PDS5A: variants seen among roughly 807,000 people sequenced by gnomAD.
PDS5A encodes sister chromatid cohesion protein PDS5 homolog A.
PDS5A carries 42 observed loss-of-function variants against 167.1 expected under a neutral mutation model. The ratio of observed to expected loss-of-function variants is 0.25; its 90% CI spans 0.20 to 0.33. PDS5A has a LOEUF of 0.33. Among genes scored for constraint, PDS5A ranks in the 10% least tolerant of loss-of-function variants. The pLI is 1.00. For synonymous variants in PDS5A, 553 were observed against 554.6 expected (o/e 1.00, Z 0.04); for missense variants, 1,033 against 1,605.9 (o/e 0.64, Z 6.10).
intron 2 of PDS5A, among the ~76,000 whole-genome samples, chr4:39,931,253 T>C (rs1367513017): frequency 1.3e-5 from 2 of 151,836 alleles, no homozygotes; most frequent in Admixed American, 6.6e-5. Context: ...CACACCTGGC[T>C]AGGTTTTGTA....
In PDS5A at chr4:39,877,183, C is replaced by T. The variant is rs540603295; in HGVS notation, c.1993-30G>A. On this transcript the variant is annotated intron_variant, in intron 18 of 32. Transcript: ENST00000303538. ...AAAAACAGATACAGCTTTAGAAGTACAGACAATGGTTTTAATCCATTAAAA... is the reference window on the plus strand; with the variant it reads ...AAAAACAGATACAGCTTTAGAAGTATAGACAATGGTTTTAATCCATTAAAA... 3.3e-4 allele frequency: 468 copies of T among 1,403,404 alleles called. 6 individuals are homozygous for T. In the South Asian group the frequency reaches 6.6e-3, roughly 20 times the overall value. The allele number at this position is 1,403,404 out of a possible 1,614,324, so 86.9% of individuals were successfully genotyped here. A position where few individuals can be genotyped will look rare whatever the true frequency, so the allele number is the denominator to read the frequency against.
chr4:39,944,448 C>T (rs1032313162), intron 2 of PDS5A, among the ~76,000 whole-genome samples: 1 of 152,056 alleles, frequency 6.6e-6, no homozygotes, highest in African/African-American at 2.4e-5. Flanking sequence ...AATCCCAGCA[C>T]TCCGGGAGGC....
At chr4:39,852,224 T>C (rs965170668) in intron 26 of PDS5A, among the ~76,000 whole-genome samples, 3 of 152,114 alleles carry the variant, frequency 2.0e-5, no homozygotes, top group Non-Finnish European at 4.4e-5. Flanking sequence ...TAAAACAGGA[T>C]ACAAAACAAT....
intron 9 of PDS5A, 128 bp from the exon 10 acceptor site, chr4:39,910,466 G>A: frequency 5.2e-6 from 3 of 580,988 alleles, no homozygotes; most frequent in East Asian, 2.8e-5. Flanking sequence ...TATGAGCTAA[G>A]GTATTCTGAA....
intron 7 of PDS5A, among the ~76,000 whole-genome samples, 172 bp from the exon 8 acceptor site, chr4:39,917,360 C>A (rs574010608): frequency 2.6e-5 from 4 of 152,070 alleles, no homozygotes; most frequent in African/African-American, 9.6e-5. Context: ...GTCATCTAAA[C>A]AGCAGAAGAA....
At chr4:39,907,829 G>A (rs1202362863) in intron 11 of PDS5A, among the ~76,000 whole-genome samples, 3 of 151,882 alleles carry the variant, frequency 2.0e-5, no homozygotes, top group East Asian at 1.9e-4. Flanking sequence ...CTCGTGATCC[G>A]CCCGCCTCGG....
chr4:39,954,740 A>G (rs1728768112), intron 2 of PDS5A, among the ~76,000 whole-genome samples: 1 of 151,380 alleles, frequency 6.6e-6, no homozygotes, highest in Non-Finnish European at 1.5e-5. Context: ...TCAGACAGAG[A>G]CGTTAAAATA....
intron 10 of PDS5A, among the ~76,000 whole-genome samples, chr4:39,909,416 T>A (rs903965966): frequency 6.6e-6 from 1 of 152,182 alleles, no homozygotes; most frequent in Non-Finnish European, 1.5e-5. Context: ...TGAGCCACCA[T>A]GCCCATAGTT....
chr4:39,973,036 T>G (rs1431677815), intron 2 of PDS5A: 1 of 360,542 alleles, frequency 2.8e-6, no homozygotes, highest in African/African-American at 2.1e-5. Context: ...ATTTTATATT[T>G]TGCAATTTTT....
intron 4 of PDS5A, among the ~76,000 whole-genome samples, chr4:39,926,285 G>T (rs1725457064): frequency 6.6e-6 from 1 of 152,082 alleles, no homozygotes; most frequent in African/African-American, 2.4e-5. Flanking sequence ...ACTTTGGGAG[G>T]CCAAGGTGGG....
At position 39,904,103 on chromosome 4, in the gene PDS5A, T is replaced by G. The variant is rs1363407093; in HGVS notation, c.1322A>C (p.Glu441Ala). Residue 441 changes from glutamate (E) to alanine (A), a missense_variant, in exon 12 of 33, where the codon GAG (glutamate) becomes GCG (alanine). Glu to Ala is a moderately radical substitution (Grantham distance 107, BLOSUM62 -1). Around this residue, in one of 4 missense-constraint regions of PDS5A, gnomAD observed 388 missense variants for 615.1 expected, o/e 0.63. Transcript: ENST00000303538. ...LHGEAGKEAAEKVSWIKDKLL... is the reference protein window; with the variant it reads ...LHGEAGKEAAAKVSWIKDKLL... Reference sequence around the variant, plus strand: ...TTTGTCCTTTATCCAGCTGACTTTCTCTGCAGCTTCCTTTCCTGCTTCACC... The same window carrying G: ...TTTGTCCTTTATCCAGCTGACTTTCGCTGCAGCTTCCTTTCCTGCTTCACC... 1 of 1,612,066 alleles carries G rather than the reference T, an allele frequency of 6.2e-7. No individual in the cohort carries two copies. The highest frequency in any genetic ancestry group is 8.5e-7 in the Non-Finnish European group (1 of 1,178,596).
intron 5 of PDS5A, 116 bp downstream of exon 5, chr4:39,925,719 CT>C (rs1324587186): frequency 5.3e-6 from 2 of 378,634 alleles, no homozygotes; most frequent in Non-Finnish European, 9.7e-6. Context: ...GTTAAGTTTT[CT>C]AAGGAAAACA....
chr4:39,849,692 T>C (rs150988483), intron 26 of PDS5A, 40 bp from the exon 27 acceptor site: 11 of 1,465,178 alleles, frequency 7.5e-6, no homozygotes, highest in Admixed American at 1.9e-5. Context: ...CGTAGATAGA[T>C]GCTTTAGCTT....
chr4:39,875,497 G>A (rs1042282577), intron 19 of PDS5A, among the ~76,000 whole-genome samples: 2 of 152,098 alleles, frequency 1.3e-5, no homozygotes, highest in African/African-American at 4.8e-5. Flanking sequence ...AAAGTTAGTG[G>A]CATCAAATGC....
chr4:39,930,247 G>GATTTTTTTTT (rs1725914090), intron 2 of PDS5A, among the ~76,000 whole-genome samples: 1 of 61,952 alleles, frequency 1.6e-5, no homozygotes, highest in Non-Finnish European at 3.2e-5. Context: ...AAAAAAAAAA[G>GATTTTTTTTT]TTTTTTTGTT....
At position 39,955,976 on chromosome 4, in the gene PDS5A, A is replaced by G. The variant is rs1202906332; in HGVS notation, c.138+20464T>C. On this transcript the variant is annotated intron_variant, in intron 2 of 32. Coordinates refer to ENST00000303538, the MANE Select transcript of PDS5A (RefSeq NM_001100399.2). ...CTAAAAATACAAAAATTAGCCAGAC[A>G]TGGTGGTGGCACACACCTGTAGTCC... 2.0e-5 allele frequency among the ~76,000 whole-genome samples: 3 copies of G among 151,748 alleles called. No individual in the cohort carries two copies. The East Asian group carries it at 5.9e-4, about 30-fold the overall frequency.
chr4:39,934,517 C>T (rs1401851752), intron 2 of PDS5A, among the ~76,000 whole-genome samples: 2 of 151,836 alleles, frequency 1.3e-5, no homozygotes, highest in Non-Finnish European at 2.9e-5. Flanking sequence ...GAGAATTAAA[C>T]AATTTCTTGG....
chr4:39,836,213 GT>G (rs1208824594), intron 32 of PDS5A, among the ~76,000 whole-genome samples: 1 of 152,126 alleles, frequency 6.6e-6, no homozygotes, highest in Non-Finnish European at 1.5e-5. Flanking sequence ...AAAGGTCCAG[GT>G]TTGAGAAGAA....
At chr4:39,868,452 C>T (rs574793119) in intron 22 of PDS5A, among the ~76,000 whole-genome samples, 1 of 152,304 alleles carries the variant, frequency 6.6e-6, no homozygotes, top group African/African-American at 2.4e-5. Context: ...CCTCAGCCTC[C>T]GAAGTAGCTG....
Sources: gnomAD v4.1 joint callset for allele counts (sites outside exome capture counted in the v4.1 genomes callset) on GRCh38, gnomAD v4.1.1 for gene constraint, gnomAD v4.1.1 regional missense constraint, MANE v1.5 for transcripts, NCBI Gene and HGNC (gene_info 2026-07-23, HGNC 2026-07-21) for gene names.